The following ACVR1 variants were observed in gnomAD, a reference collection of about 807,000 sequenced individuals.
ACVR1 encodes activin receptor type-1.
In ACVR1, 38 loss-of-function variants were observed where a neutral mutation model predicts 57.1. That is an observed-to-expected ratio of 0.67 (90% confidence interval 0.51 to 0.87). The LOEUF (loss-of-function observed/expected upper bound fraction) is 0.87. Ranked by LOEUF, ACVR1 falls within the 40% of genes least tolerant of loss-of-function variation. The pLI, the probability that ACVR1 is intolerant of heterozygous loss-of-function variation, is 0.00. For synonymous variants in ACVR1, 212 were observed against 228.1 expected (o/e 0.93, Z 0.63); for missense variants, 463 against 638.2 (o/e 0.73, Z 2.96).
At chr2:157,840,202 G>T (rs1688931372) in intron 1 of ACVR1, among the ~76,000 whole-genome samples, 1 of 152,174 alleles carries the variant, frequency 6.6e-6, no homozygotes, top group Admixed American at 6.5e-5. Context: ...GGAAATAACA[G>T]GGCTCTAGGG....
chr2:157,839,722 T>C (rs545099969), intron 1 of ACVR1, among the ~76,000 whole-genome samples: 1 of 152,316 alleles, frequency 6.6e-6, no homozygotes, highest in East Asian at 1.9e-4. Context: ...GGAAAATCAC[T>C]GGCTCCCTGC....
intron 1 of ACVR1, among the ~76,000 whole-genome samples, chr2:157,858,492 GAC>G (rs1319033012): frequency 6.6e-6 from 1 of 151,898 alleles, no homozygotes; most frequent in East Asian, 1.9e-4. Flanking sequence ...TATTTTTTGA[GAC>G]ACAGTCTTGC....
chr2:157,862,409 A>G (rs1689751576), intron 1 of ACVR1, among the ~76,000 whole-genome samples: 1 of 125,170 alleles, frequency 8.0e-6, no homozygotes, highest in South Asian at 2.9e-4. Flanking sequence ...GGCACAGGAT[A>G]AACATATACA....
In ACVR1 at chr2:157,876,198, C is replaced by T. The variant is rs1183952266; in HGVS notation, c.-585G>A. On this transcript the variant is annotated 5_prime_UTR_variant, in exon 1 of 11. Transcript: ENST00000434821. ...GAGGCGCAGAGGCTCGGGCTGGGAG[C>T]ACGACCGCGGGCGGGGCGGGCGGAC... Among the ~76,000 whole-genome samples, 1 of 144,920 alleles carries T rather than the reference C, an allele frequency of 6.9e-6. No individual in the cohort carries two copies. Among genetic ancestry groups the T allele is most frequent in the Non-Finnish European group, 1.5e-5 (1 of 65,732 alleles).
At chr2:157,781,735 C>T (rs1686532478) in intron 3 of ACVR1, among the ~76,000 whole-genome samples, 1 of 152,208 alleles carries the variant, frequency 6.6e-6, no homozygotes, top group African/African-American at 2.4e-5. Flanking sequence ...TACTTATTTG[C>T]ATCTGCATTT....
At chr2:157,857,836 T>C (rs757815280) in intron 1 of ACVR1, among the ~76,000 whole-genome samples, 9 of 152,156 alleles carry the variant, frequency 5.9e-5, no homozygotes, top group African/African-American at 1.7e-4. Context: ...AGGTGAGTAG[T>C]TATGATTTCA....
At chr2:157,850,528 A>T (rs1392883921) in intron 1 of ACVR1, among the ~76,000 whole-genome samples, 1 of 152,214 alleles carries the variant, frequency 6.6e-6, no homozygotes, top group Non-Finnish European at 1.5e-5. Context: ...ATCATACAAG[A>T]TTAACCCAGT....
At chr2:157,810,084 A>T (rs1275413831) in intron 2 of ACVR1, among the ~76,000 whole-genome samples, 1 of 152,202 alleles carries the variant, frequency 6.6e-6, no homozygotes, top group African/African-American at 2.4e-5. Context: ...TCTAAAAAAT[A>T]TGTAAAATTA....
chr2:157,753,000 C>T (rs760928541), intron 9 of ACVR1, among the ~76,000 whole-genome samples: 5 of 152,186 alleles, frequency 3.3e-5, no homozygotes, highest in African/African-American at 4.8e-5. Flanking sequence ...AAATGCTCCA[C>T]TGAAAAGATA....
At chr2:157,803,191 G>A (rs36113537) in intron 2 of ACVR1, among the ~76,000 whole-genome samples, 305 of 151,126 alleles carry the variant, frequency 2.0e-3, no homozygotes, top group Middle Eastern at 6.9e-3. Context: ...AAAAGCCCAC[G>A]TCCCAAATAC....
At chr2:157,751,951 C>T (rs1685209687) in intron 9 of ACVR1, among the ~76,000 whole-genome samples, 1 of 152,202 alleles carries the variant, frequency 6.6e-6, no homozygotes, top group South Asian at 2.1e-4. Context: ...TATACTACCA[C>T]AGCTAATGCT....
At chr2:157,808,684 A>G (rs1036739) in intron 2 of ACVR1, among the ~76,000 whole-genome samples, 95,627 of 151,958 alleles carry the variant, frequency 0.63, 36,475 homozygotes, top group East Asian at 0.91. Context: ...TCTTGAATAT[A>G]CATCTCCTAC....
chr2:157,770,272 C>CA, intron 7 of ACVR1, 96 bp downstream of exon 7: 1 of 1,379,002 alleles, frequency 7.3e-7, no homozygotes, highest in Non-Finnish European at 1.0e-6. Context: ...TTTTAGGAGA[C>CA]ACTCTCGAAT....
intron 9 of ACVR1, among the ~76,000 whole-genome samples, chr2:157,751,219 G>T (rs992257320): frequency 1.3e-5 from 2 of 152,204 alleles, no homozygotes; most frequent in Admixed American, 6.5e-5. Context: ...TATGGAAGAA[G>T]GATTTGACCT....
chr2:157,803,950 A>T (rs1021424498), intron 2 of ACVR1, among the ~76,000 whole-genome samples: 6 of 152,186 alleles, frequency 3.9e-5, no homozygotes, highest in African/African-American at 1.4e-4. Context: ...TATTTTTAAA[A>T]AACATGTTAT....
chr2:157,795,377 AACACACAC>A (rs4029027), intron 3 of ACVR1, among the ~76,000 whole-genome samples: 64,544 of 134,034 alleles, frequency 0.48, 16,126 homozygotes, highest in Non-Finnish European at 0.58. Flanking sequence ...CCTTCCATAG[AACACACAC>A]ACACACACAC....
chr2:157,821,292 G>A (rs768716280), intron 1 of ACVR1, among the ~76,000 whole-genome samples: 3 of 152,238 alleles, frequency 2.0e-5, no homozygotes, highest in Non-Finnish European at 4.4e-5. Context: ...TTGAGAGGCC[G>A]AGGTGGGTGG....
At chr2:157,800,457 A>C (rs1387265382) in intron 2 of ACVR1, among the ~76,000 whole-genome samples, 2 of 150,782 alleles carry the variant, frequency 1.3e-5, no homozygotes, top group Non-Finnish European at 2.9e-5. Context: ...GTGAGACCCC[A>C]TCTCTATTTG....
chr2:157,750,897 T>TA (rs546275605), intron 9 of ACVR1, among the ~76,000 whole-genome samples: 71 of 146,654 alleles, frequency 4.8e-4, no homozygotes, highest in South Asian at 1.1e-3. Flanking sequence ...TGGGTATCAT[T>TA]AAAAAAAAAA....
Sources: allele counts gnomAD v4.1 joint callset (sites outside exome capture counted in the v4.1 genomes callset), GRCh38; gene constraint gnomAD v4.1.1; transcripts MANE v1.5; gene names NCBI Gene and HGNC (gene_info 2026-07-23, HGNC 2026-07-21).